Variants in MYBPHL observed in about 807,000 individuals in gnomAD.
The protein encoded by MYBPHL is myosin-binding protein H-like.
A neutral mutation model predicts 39.5 loss-of-function variants in MYBPHL; 32 were observed. The ratio of observed to expected loss-of-function variants is 0.81; its 90% CI spans 0.61 to 1.09. The LOEUF is 1.09. Among genes scored for constraint, MYBPHL ranks in the 50% least tolerant of loss-of-function variants. The probability of loss-of-function intolerance (pLI) is 0.00; values close to 1 mark genes in which losing one functional copy is unlikely to be tolerated. For missense variants in MYBPHL, 456 were observed against 460.2 expected, an observed-to-expected ratio of 0.99 and a Z score of 0.08; for synonymous variants, 196 against 183.7, an observed-to-expected ratio of 1.07 and a Z score of -0.54.
intron 6 of MYBPHL, 133 bp downstream of exon 6, chr1:109,296,101 C>T: frequency 2.7e-6 from 3 of 1,113,956 alleles, no homozygotes; most frequent in Non-Finnish European, 3.8e-6. Flanking sequence ...TTCCTAAATA[C>T]CGTGCTGTAG....
At chr1:109,294,367 TTAGG>T (rs1657979338) in intron 7 of MYBPHL, 118 bp from the exon 8 acceptor site, 1 of 894,332 alleles carries the variant, frequency 1.1e-6, no homozygotes, top group African/African-American at 1.6e-5. Flanking sequence ...ATGGTGCTAA[TTAGG>T]TAGTCTATAC....
Position 109,294,273 on chromosome 1 carries a change from A to C in MYBPHL, c.1055-24T>G, listed in dbSNP as rs964958051. The C allele has an allele frequency of 7.5e-6, 12 of 1,607,154 alleles. No individual in the cohort carries two copies. The African/African-American group carries it at 1.5e-4, about 20-fold the overall frequency. On this transcript the variant is annotated intron_variant, in intron 7 of 8. Transcript: ENST00000357155. ...AACTGTAATAATTCGGACATTTCTC[A>C]GTGTTAACATCTCAGAAATCTCTGA...
rs1007268589 is a variant in MYBPHL, at chr1:109,296,814, G to A, written c.699C>T (p.Ile233=). Residue 233 remains isoleucine, a synonymous_variant, in exon 5 of 9, where the codon ATC becomes ATT. Coordinates refer to ENST00000357155, the MANE Select transcript of MYBPHL (RefSeq NM_001010985.3). ...TCTGGATGTGGGCGAGGTCCGTAGT[G>A]ATGGGGGCTGTTTCACTGAGTCCGC... The part of the protein sequence containing the change: ...NQCGLSETAP[I]TTDLAHIQKA... 2.5e-6 allele frequency: 4 copies of A among 1,614,074 alleles called. No homozygotes were observed. The highest frequency in any genetic ancestry group is 3.4e-6 in the Non-Finnish European group (4 of 1,180,040).
chr1:109,294,826 A>G (rs371527841), intron 7 of MYBPHL, among the ~76,000 whole-genome samples: 1 of 152,206 alleles, frequency 6.6e-6, no homozygotes, highest in Non-Finnish European at 1.5e-5. Flanking sequence ...ACTAACTGAC[A>G]CTGGGAATCT....
intron 1 of MYBPHL, among the ~76,000 whole-genome samples, chr1:109,298,805 T>C (rs1011378375): frequency 6.6e-6 from 1 of 152,110 alleles, no homozygotes; most frequent in Non-Finnish European, 1.5e-5. Flanking sequence ...ACAGAGCACG[T>C]GTCTGGGTCC....
At chr1:109,304,649 T>A (rs1186131927) in intron 1 of MYBPHL, among the ~76,000 whole-genome samples, 1 of 152,128 alleles carries the variant, frequency 6.6e-6, no homozygotes, top group Non-Finnish European at 1.5e-5. Context: ...AGGCCGAGTG[T>A]CACATTGTCC....
rs955725073 is a variant in MYBPHL at position 109,296,749 on chromosome 1, T to A, written c.730+34A>T. ...CCACTGTGCCCGGCCTATCCTTAAG[T>A]CTTCCCAGCTCATGATCCCCATGCC... On this transcript the variant is annotated intron_variant, in intron 5 of 8. Coordinates refer to ENST00000357155, the MANE Select transcript of MYBPHL (RefSeq NM_001010985.3). The A allele has an allele frequency of 3.1e-6, 5 of 1,613,404 alleles. No homozygotes were observed. In the African/African-American group the frequency reaches 6.7e-5, roughly 22 times the overall value.
intron 2 of MYBPHL, 52 bp from the exon 3 acceptor site, chr1:109,297,669 C>T: frequency 6.5e-7 from 1 of 1,530,372 alleles, no homozygotes; most frequent in Non-Finnish European, 8.9e-7. Flanking sequence ...TCCTGACTCT[C>T]CCTGCTGCTG....
intron 8 of MYBPHL, among the ~76,000 whole-genome samples, chr1:109,293,759 A>T (rs10858083): frequency 1.3e-5 from 2 of 148,956 alleles, no homozygotes. Flanking sequence ...AAATAAATAA[A>T]TAAATATAAA....
At chr1:109,292,833 G>C (rs1657914254) in intron 8 of MYBPHL, 1 of 152,200 alleles carries the variant, frequency 6.6e-6, no homozygotes, top group East Asian at 1.9e-4. Flanking sequence ...AGTCAGAGAG[G>C]ACACTGGGAA....
Position 109,297,113 on chromosome 1 carries a change from G to C in MYBPHL, c.507C>G (p.Pro169=), listed in dbSNP as rs1658102447. The C allele has an allele frequency of 6.2e-7, 1 of 1,614,120 alleles. No homozygotes were observed. The highest frequency in any genetic ancestry group is 2.2e-5 in the East Asian group (1 of 44,872). Reference sequence around the variant, plus strand: ...GAAGTGCTGTATTCCCCGTATCTTGGGGCGGTGTCCATTCCAGTGTAGCGC... The same window carrying C: ...GAAGTGCTGTATTCCCCGTATCTTGCGGCGGTGTCCATTCCAGTGTAGCGC... ...GFSATLEWTP[P]QDTGNTALLG... is the part of the protein sequence containing the mutation. Residue 169 remains proline, a synonymous_variant, in exon 4 of 9, where the codon CCC becomes CCG. Coordinates refer to ENST00000357155, the MANE Select transcript of MYBPHL (RefSeq NM_001010985.3).
At chr1:109,299,051 T>C (rs1248123938) in intron 1 of MYBPHL, among the ~76,000 whole-genome samples, 2 of 152,120 alleles carry the variant, frequency 1.3e-5, no homozygotes, top group Non-Finnish European at 2.9e-5. Context: ...CCAGGTATCA[T>C]TTCTCTCCTC....
chr1:109,293,205 G>A (rs1202019204), intron 8 of MYBPHL, among the ~76,000 whole-genome samples: 2 of 152,122 alleles, frequency 1.3e-5, no homozygotes, highest in East Asian at 1.9e-4. Flanking sequence ...AAGGTGCTGT[G>A]ACTCTTGTGG....
At position 109,295,216 on chromosome 1, in the gene MYBPHL, A is replaced by C; in HGVS notation, c.949T>G (p.Ser317Ala). 1 of 1,614,036 alleles carries C rather than the reference A, an allele frequency of 6.2e-7. No homozygotes were observed. The highest frequency in any genetic ancestry group is 8.5e-7 in the Non-Finnish European group (1 of 1,179,986). The change falls in exon 7 of 9, where the codon TCC becomes GCC. Residue 317 changes from serine to alanine, a missense_variant. Physicochemically the swap from Ser to Ala is moderately conservative, Grantham distance 99. Coordinates refer to ENST00000357155, the MANE Select transcript of MYBPHL (RefSeq NM_001010985.3). ...GGACCCGGCTTGCGGATCTCTAGGGAGCAGATTCCCAGGTGAGTCAGGGCT... is the reference window on the plus strand; with the variant it reads ...GGACCCGGCTTGCGGATCTCTAGGGCGCAGATTCCCAGGTGAGTCAGGGCT... ...YRALTHLGICSLEIRKPGPFD... is the reference protein window; with the variant it reads ...YRALTHLGICALEIRKPGPFD...
intron 1 of MYBPHL, among the ~76,000 whole-genome samples, chr1:109,303,955 T>C (rs1486677765): frequency 6.6e-6 from 1 of 152,220 alleles, no homozygotes; most frequent in Admixed American, 6.5e-5. Flanking sequence ...CCCAAATATC[T>C]GCATGCATTG....
intron 7 of MYBPHL, 147 bp from the exon 8 acceptor site, chr1:109,294,396 G>A (rs1657980330): frequency 4.3e-6 from 3 of 695,818 alleles, no homozygotes; most frequent in Non-Finnish European, 5.0e-6. Flanking sequence ...AGAAGAACAG[G>A]ACATGTAAGG....
chr1:109,297,371 T>C (rs571403052), intron 3 of MYBPHL, 51 bp downstream of exon 3: 6 of 1,579,716 alleles, frequency 3.8e-6, no homozygotes, highest in Non-Finnish European at 5.2e-6. Context: ...CTCTTCAGCC[T>C]GGAGAGGGAG....
intron 7 of MYBPHL, among the ~76,000 whole-genome samples, chr1:109,294,793 T>C (rs1657995819): frequency 6.6e-6 from 1 of 152,158 alleles, no homozygotes; most frequent in African/African-American, 2.4e-5. Context: ...ACCTGGGCTA[T>C]TTCCACCAGT....
rs1051739539 is a variant in MYBPHL at position 109,306,869 on chromosome 1, G to T, written c.123C>A (p.Pro41=). 1 of 1,599,836 alleles carries T rather than the reference G, an allele frequency of 6.3e-7. No homozygotes were observed. The highest frequency in any genetic ancestry group is 8.5e-7 in the Non-Finnish European group (1 of 1,174,400). ...CACCTTCTATAGGGGGCAGGAGCTGGGGAGTGGGGCTGCCAGCCCCCTGTC... is the reference window on the plus strand; with the variant it reads ...CACCTTCTATAGGGGGCAGGAGCTGTGGAGTGGGGCTGCCAGCCCCCTGTC... ...SPGQGAGSPT[P]QLLPPIEEHP... Residue 41 remains proline (P), a synonymous_variant, in exon 1 of 9, where the codon CCC becomes CCA. Coordinates refer to ENST00000357155, the MANE Select transcript of MYBPHL (RefSeq NM_001010985.3).
Sources: allele counts gnomAD v4.1 joint callset (sites outside exome capture counted in the v4.1 genomes callset), GRCh38; gene constraint gnomAD v4.1.1; transcripts MANE v1.5; gene names NCBI Gene and HGNC (gene_info 2026-07-23, HGNC 2026-07-21).